DMD: variants seen among roughly 807,000 people sequenced by gnomAD.
The protein encoded by DMD is mutant dystrophin.
In DMD, 63 loss-of-function variants were observed where a neutral mutation model predicts 330.1. The observed-to-expected ratio is 0.19, with a 90% CI of 0.16 to 0.24. DMD has a LOEUF of 0.24. Ranked by LOEUF, DMD falls within the 10% of genes least tolerant of loss-of-function variation. The probability of loss-of-function intolerance (pLI) is 1.00; values close to 1 mark genes in which losing one functional copy is unlikely to be tolerated. For synonymous variants in DMD, 1,223 were observed against 959.8 expected (o/e 1.27, Z -5.07); for missense variants, 3,344 against 2,684.1 (o/e 1.25, Z -5.43).
chrX:32,601,762 T>C (rs1334588621), intron 12 of DMD, among the ~76,000 whole-genome samples: 1 of 110,398 alleles, frequency 9.1e-6, no homozygotes, highest in Non-Finnish European at 1.9e-5. Flanking sequence ...CTCAGCTTCC[T>C]AATTTGTAAA....
rs767830254 is a variant in DMD, at chrX:31,323,670, G to T, written c.9164-12C>A. 4.0e-5 allele frequency: 48 copies of T among 1,203,112 alleles called. No individual in the cohort carries two copies. The highest frequency in any genetic ancestry group is 5.4e-5 in the Non-Finnish European group (48 of 890,133). On this transcript the variant is annotated splice_polypyrimidine_tract_variant and intron_variant, in intron 61 of 78. Coordinates refer to ENST00000357033, the MANE Select transcript of DMD (RefSeq NM_004006.3). ...ACCCTGGACAGACGCTGAAAAGAAG[G>T]GAGGAAAAAAAGAAAGGCAAGGAGG...
intron 71 of DMD, among the ~76,000 whole-genome samples, chrX:31,177,396 G>A (rs996091368): frequency 2.7e-5 from 3 of 111,352 alleles, no homozygotes; most frequent in African/African-American, 9.8e-5. Flanking sequence ...TAGTCAAATA[G>A]CATGGCATAA....
chrX:32,896,153 G>T (rs192568188), intron 2 of DMD, among the ~76,000 whole-genome samples: 1 of 111,066 alleles, frequency 9.0e-6, no homozygotes, highest in Non-Finnish European at 1.9e-5. Flanking sequence ...TGCAATAAAG[G>T]GTTCAAAAAT....
intron 51 of DMD, among the ~76,000 whole-genome samples, chrX:31,738,501 T>C (rs1046311549): frequency 7.1e-4 from 80 of 112,521 alleles, no homozygotes; most frequent in African/African-American, 2.4e-3. Context: ...ACAACCACTA[T>C]GGAGAACCGT....
rs188834762 is a variant in DMD at position 32,376,361 on chromosome X, G to C, written c.4845+4149C>G. Among the ~76,000 whole-genome samples, 8 of 111,634 alleles carry C rather than the reference G, an allele frequency of 7.2e-5. No homozygotes were observed. The East Asian group carries it at 1.7e-3, about 24-fold the overall frequency. On this transcript the variant is annotated intron_variant, in intron 34 of 78. Coordinates refer to ENST00000357033, the MANE Select transcript of DMD (RefSeq NM_004006.3). ...GGAATAATTCATCTCAATGCTAGTA[G>C]TACCTCTCTGAAGGTGCATGGGGCT...
At chrX:33,152,270 A>G (rs1323807282) in intron 1 of DMD, among the ~76,000 whole-genome samples, 1 of 109,522 alleles carries the variant, frequency 9.1e-6, no homozygotes, top group East Asian at 2.9e-4. Flanking sequence ...CCCAGGTTCA[A>G]GTGATTCTCC....
intron 60 of DMD, among the ~76,000 whole-genome samples, chrX:31,391,841 A>C (rs2060697025): frequency 9.0e-6 from 1 of 110,625 alleles, no homozygotes; most frequent in Non-Finnish European, 1.9e-5. Flanking sequence ...ACTGCACTCC[A>C]GCCTGGGGGA....
At chrX:33,002,117 A>G (rs1235021525) in intron 2 of DMD, among the ~76,000 whole-genome samples, 1 of 110,946 alleles carries the variant, frequency 9.0e-6, no homozygotes, top group African/African-American at 3.3e-5. Flanking sequence ...CAAATGGCAT[A>G]GTTGATCCCA....
At chrX:32,783,047 CA>C (rs2074958717) in intron 7 of DMD, among the ~76,000 whole-genome samples, 1 of 97,604 alleles carries the variant, frequency 1.0e-5, no homozygotes, top group South Asian at 4.3e-4. Flanking sequence ...TATATATACA[CA>C]CACATATACA....
chrX:32,166,104 TTGAGA>T (rs1372443603), intron 44 of DMD, among the ~76,000 whole-genome samples: 7 of 111,296 alleles, frequency 6.3e-5, no homozygotes, highest in African/African-American at 2.3e-4. Context: ...ACTCCCTCTC[TTGAGA>T]TTTCTGTTCA....
At chrX:33,124,500 A>AAAAAAAAAAACAAAAAAAAAAAC (rs1569555866) in intron 1 of DMD, among the ~76,000 whole-genome samples, 7 of 104,391 alleles carry the variant, frequency 6.7e-5, no homozygotes, top group African/African-American at 2.6e-4. Flanking sequence ...AAAAAAAAAA[A>AAAAAAAAAAACAAAAAAAAAAAC]AAAAAAAAAA....
chrX:32,390,727 C>T (rs774648793), intron 30 of DMD, among the ~76,000 whole-genome samples: 4 of 109,904 alleles, frequency 3.6e-5, no homozygotes, highest in Non-Finnish European at 7.6e-5. Flanking sequence ...GCTATGTGAC[C>T]CAGCCTGGTC....
chrX:33,009,765 T>C (rs1489985691), intron 2 of DMD, among the ~76,000 whole-genome samples: 5 of 53,260 alleles, frequency 9.4e-5, no homozygotes, highest in Admixed American at 1.9e-4. Flanking sequence ...TGTGTGTATA[T>C]GTGTATATAC....
chrX:31,192,408 A>G (rs1306916120), intron 67 of DMD, among the ~76,000 whole-genome samples: 1 of 112,104 alleles, frequency 8.9e-6, no homozygotes, highest in Non-Finnish European at 1.9e-5. Flanking sequence ...GGTTGTACAC[A>G]ATGGTTTTTC....
At chrX:32,810,875 T>C (rs1457598932) in intron 6 of DMD, among the ~76,000 whole-genome samples, 1 of 111,792 alleles carries the variant, frequency 8.9e-6, no homozygotes. Flanking sequence ...ATTTTATTTC[T>C]TGTCTCTTTC....
chrX:32,342,201 C>A lies in DMD; in HGVS notation c.5821G>T (p.Ala1941Ser). ...RQAEGLSEDG[A>S]AMAVEPTQIQ... The stretch of plus-strand genomic sequence containing the variant: ...TGAGTTGGCTCCACTGCCATTGCGG[C>A]CCCATCCTCAGACAAGCCCTCAGCT... Residue 1941 changes from alanine to serine, a missense_variant, in exon 41 of 79, where the codon GCC (alanine) becomes TCC (serine). By Grantham distance (99) the Ala-to-Ser change is moderately conservative (BLOSUM62 1). Transcript: ENST00000357033. 8.3e-7 allele frequency: 1 copy of A among 1,211,152 alleles called. No homozygotes were observed. The highest frequency in any genetic ancestry group is 1.1e-6 in the Non-Finnish European group (1 of 895,038).
intron 7 of DMD, among the ~76,000 whole-genome samples, chrX:32,764,937 C>A (rs1041795067): frequency 5.9e-5 from 6 of 101,779 alleles, no homozygotes; most frequent in Non-Finnish European, 1.2e-4. Context: ...TCCACATCCT[C>A]AACCATATTT....
chrX:33,253,563 A>C (rs1162260420), intron 1 of DMD, among the ~76,000 whole-genome samples: 2 of 111,662 alleles, frequency 1.8e-5, no homozygotes, highest in East Asian at 5.6e-4. Flanking sequence ...TAGACTGTGG[A>C]GATATTGAAA....
At chrX:32,163,378 C>T (rs1342570782) in intron 44 of DMD, among the ~76,000 whole-genome samples, 4 of 112,405 alleles carry the variant, frequency 3.6e-5, no homozygotes, top group East Asian at 5.6e-4. Flanking sequence ...GTGGCTAGAA[C>T]AATTCATCTC....
Sources: allele counts gnomAD v4.1 joint callset (sites outside exome capture counted in the v4.1 genomes callset), GRCh38; gene constraint gnomAD v4.1.1; transcripts MANE v1.5; gene names NCBI Gene and HGNC (gene_info 2026-07-23, HGNC 2026-07-21).